The following CSMD1 variants were observed in gnomAD, a reference collection of about 807,000 sequenced individuals.
The protein encoded by CSMD1 is CUB and sushi domain-containing protein 1.
CSMD1 carries 213 observed loss-of-function variants against 417.5 expected under a neutral mutation model. The observed-to-expected ratio is 0.51, with a 90% CI of 0.46 to 0.57. The LOEUF (loss-of-function observed/expected upper bound fraction) is 0.57, where lower values mean the gene tolerates loss of function less well. Among genes scored for constraint, CSMD1 ranks in the 20% least tolerant of loss-of-function variants. The pLI is 0.00. For synonymous variants in CSMD1, 2,862 were observed against 1,736.8 expected (o/e 1.65, Z -16.11); for missense variants, 6,923 against 4,529.7 (o/e 1.53, Z -15.17).
chr8:3,330,451 T>C (rs1394392898), intron 23 of CSMD1, among the ~76,000 whole-genome samples: 2 of 152,138 alleles, frequency 1.3e-5, no homozygotes, highest in Non-Finnish European at 2.9e-5. Flanking sequence ...TGTGAGAACA[T>C]GGATGGAGCT....
chr8:3,028,807 T>C (rs1264252901), intron 51 of CSMD1, among the ~76,000 whole-genome samples: 1 of 152,196 alleles, frequency 6.6e-6, no homozygotes, highest in East Asian at 1.9e-4. Flanking sequence ...TGATTCAGAG[T>C]GCTCTGAACA....
At chr8:4,324,854 C>G (rs1450201048) in intron 3 of CSMD1, among the ~76,000 whole-genome samples, 1 of 152,194 alleles carries the variant, frequency 6.6e-6, no homozygotes, top group Non-Finnish European at 1.5e-5. Context: ...GAGGGACTCC[C>G]ATCCCAGCAC....
intron 7 of CSMD1, among the ~76,000 whole-genome samples, chr8:3,631,761 C>G (rs1461959085): frequency 2.0e-5 from 3 of 152,172 alleles, no homozygotes; most frequent in Non-Finnish European, 2.9e-5. Context: ...AAAGCGCTCT[C>G]AAAGGATTTA....
At chr8:3,737,931 A>G (rs1796606827) in intron 6 of CSMD1, among the ~76,000 whole-genome samples, 1 of 152,196 alleles carries the variant, frequency 6.6e-6, no homozygotes, top group Non-Finnish European at 1.5e-5. Context: ...AAGGTAGATA[A>G]TTGTCAAGGG....
chr8:3,600,272 C>T (rs1017260358), intron 8 of CSMD1, among the ~76,000 whole-genome samples: 2 of 152,122 alleles, frequency 1.3e-5, no homozygotes, highest in African/African-American at 4.8e-5. Flanking sequence ...AGGTAAAATT[C>T]CTCATAAAAT....
chr8:4,161,447 G>A (rs574014375), intron 3 of CSMD1, among the ~76,000 whole-genome samples: 2 of 152,248 alleles, frequency 1.3e-5, no homozygotes, highest in African/African-American at 2.4e-5. Flanking sequence ...AATTGAAACT[G>A]GAATAAGTTG....
chr8:4,484,503 T>C (rs1255869653), intron 2 of CSMD1, among the ~76,000 whole-genome samples: 1 of 152,012 alleles, frequency 6.6e-6, no homozygotes, highest in Admixed American at 6.6e-5. Context: ...CAGGGGATCT[T>C]AAGCAAGTTT....
intron 5 of CSMD1, among the ~76,000 whole-genome samples, chr8:3,859,635 G>A (rs777576507): frequency 2.6e-5 from 4 of 152,112 alleles, no homozygotes; most frequent in East Asian, 1.9e-4. Flanking sequence ...TTTACATGAC[G>A]TCAGTTGACC....
intron 8 of CSMD1, among the ~76,000 whole-genome samples, chr8:3,593,791 T>C (rs1170499765): frequency 6.6e-6 from 1 of 152,186 alleles, no homozygotes; most frequent in Non-Finnish European, 1.5e-5. Flanking sequence ...CCTTATTATA[T>C]ATGGGTCATT....
intron 50 of CSMD1, among the ~76,000 whole-genome samples, chr8:3,033,991 C>A (rs1810508498): frequency 6.6e-6 from 1 of 152,182 alleles, no homozygotes. Flanking sequence ...AGACCACCCC[C>A]TAGTCGGGCA....
At chr8:4,440,505 A>G (rs923046790) in intron 2 of CSMD1, among the ~76,000 whole-genome samples, 3 of 152,126 alleles carry the variant, frequency 2.0e-5, no homozygotes, top group Non-Finnish European at 4.4e-5. Flanking sequence ...TCCCTCTATA[A>G]TTTCTATGGA....
intron 25 of CSMD1, among the ~76,000 whole-genome samples, chr8:3,287,615 G>A (rs1323246584): frequency 1.3e-5 from 2 of 152,046 alleles, no homozygotes; most frequent in South Asian, 4.1e-4. Context: ...TCTGTTATTG[G>A]CATATGAGAA....
chr8:3,739,974 A>G (rs1481739041), intron 6 of CSMD1, among the ~76,000 whole-genome samples: 2 of 152,198 alleles, frequency 1.3e-5, no homozygotes, highest in Non-Finnish European at 2.9e-5. Flanking sequence ...CTCCTTCATG[A>G]TCCCTATCAT....
chr8:3,969,411 T>C (rs1317401497), intron 5 of CSMD1, among the ~76,000 whole-genome samples: 1 of 152,178 alleles, frequency 6.6e-6, no homozygotes, highest in Admixed American at 6.5e-5. Context: ...ATACCTCCTC[T>C]TCCATGCAGC....
chr8:4,250,266 C>A (rs1027809608), intron 3 of CSMD1, among the ~76,000 whole-genome samples: 1 of 152,170 alleles, frequency 6.6e-6, no homozygotes, highest in Admixed American at 6.5e-5. Flanking sequence ...CAAAAAGCCT[C>A]TCTAGTGATA....
chr8:3,052,311 T>C (rs1811870241), intron 50 of CSMD1, 151 bp downstream of exon 50: 1 of 585,338 alleles, frequency 1.7e-6, no homozygotes, highest in Non-Finnish European at 3.0e-6. Flanking sequence ...TTATATGAAA[T>C]ACATTGGTTT....
intron 11 of CSMD1, among the ~76,000 whole-genome samples, chr8:3,482,586 C>A (rs924018239): frequency 5.3e-5 from 8 of 152,080 alleles, no homozygotes; most frequent in Non-Finnish European, 1.0e-4. Context: ...ACTTTAGCAC[C>A]CTTAGCAAAC....
At chr8:4,609,780 A>G (rs1801068593) in intron 2 of CSMD1, among the ~76,000 whole-genome samples, 1 of 152,216 alleles carries the variant, frequency 6.6e-6, no homozygotes. Context: ...ACAGGAACAA[A>G]CAAACAAATC....
At chr8:3,699,720 G>T (rs1487989619) in intron 7 of CSMD1, among the ~76,000 whole-genome samples, 1 of 152,208 alleles carries the variant, frequency 6.6e-6, no homozygotes, top group Non-Finnish European at 1.5e-5. Context: ...AGGAACAGAT[G>T]CTGATCATCT....
Sources: gnomAD v4.1 joint callset for allele counts (sites outside exome capture counted in the v4.1 genomes callset) on GRCh38, gnomAD v4.1.1 for gene constraint, MANE v1.5 for transcripts, NCBI Gene and HGNC (gene_info 2026-07-23, HGNC 2026-07-21) for gene names.